OASL: variants seen among roughly 807,000 people sequenced by gnomAD.
OASL encodes the protein 2'-5'-oligoadenylate synthase-like protein.
OASL carries 28 observed loss-of-function variants against 35.3 expected under a neutral mutation model. That is an observed-to-expected ratio of 0.79 (90% CI 0.59 to 1.09). The LOEUF is 1.09. Ranked by LOEUF, OASL falls within the 50% of genes least tolerant of loss-of-function variation. The pLI, the probability that OASL is intolerant of heterozygous loss-of-function variation, is 0.00. For synonymous variants in OASL, 252 were observed against 254.6 expected (o/e 0.99, Z 0.10); for missense variants, 620 against 635.2 (o/e 0.98, Z 0.26).
At chr12:121,033,534 G>T in exon 2 of OASL, 1 of 1,613,866 alleles carries the variant, frequency 6.2e-7, no homozygotes, top group African/African-American at 1.3e-5. Flanking sequence ...TGGTGAAGAC[G>T]AGAGCATCGG....
intron 3 of OASL, 145 bp from the exon 4 acceptor site, chr12:121,027,962 T>C (rs943004138): frequency 1.5e-6 from 1 of 661,800 alleles, no homozygotes; most frequent in African/African-American, 1.8e-5. Context: ...TCACATTCCA[T>C]CTCTAGACAT....
chr12:121,024,689 C>T (rs1283271472), intron 4 of OASL, among the ~76,000 whole-genome samples: 4 of 152,018 alleles, frequency 2.6e-5, no homozygotes, highest in Non-Finnish European at 4.4e-5. Flanking sequence ...AGAATGAGGC[C>T]CCAAGAGGCA....
At chr12:121,022,224 C>T (rs953054057) in intron 5 of OASL, among the ~76,000 whole-genome samples, 5 of 151,622 alleles carry the variant, frequency 3.3e-5, no homozygotes, top group African/African-American at 9.7e-5. Flanking sequence ...GTAGCTGGGA[C>T]TACAGGCACA....
At chr12:121,030,483 C>T (rs1412550406) in intron 3 of OASL, among the ~76,000 whole-genome samples, 1 of 152,220 alleles carries the variant, frequency 6.6e-6, no homozygotes, top group African/African-American at 2.4e-5. Context: ...GGATTACAGG[C>T]GTGAGCCATC....
intron 2 of OASL, among the ~76,000 whole-genome samples, chr12:121,032,364 A>T (rs1199959141): frequency 6.6e-6 from 1 of 152,192 alleles, no homozygotes; most frequent in Non-Finnish European, 1.5e-5. Context: ...AGGAGTTAGC[A>T]CATGAGATGA....
In OASL at chr12:121,031,620, G is replaced by A. The variant is rs200062237; in HGVS notation, c.482-3C>T. 6.2e-7 allele frequency: 1 copy of A among 1,610,062 alleles called. No individual in the cohort carries two copies. The highest frequency in any genetic ancestry group is 8.5e-7 in the Non-Finnish European group (1 of 1,176,842). On this transcript the variant is annotated splice_region_variant and splice_polypyrimidine_tract_variant and intron_variant, in intron 2 of 5. Coordinates refer to ENST00000257570, the Ensembl canonical transcript of OASL. The stretch of plus-strand genomic sequence containing the variant: ...CTGGGAGTTGGGAAGAGAAGGCCCT[G>A]AGGAGTGAAGGAGCAAAGGAAGAGA...
intron 1 of OASL, among the ~76,000 whole-genome samples, chr12:121,037,977 A>G (rs1229184076): frequency 6.6e-6 from 1 of 151,412 alleles, no homozygotes; most frequent in African/African-American, 2.4e-5. Flanking sequence ...CTGTAATCCC[A>G]AGCTATTTAG....
intron 1 of OASL, among the ~76,000 whole-genome samples, chr12:121,035,677 C>T (rs1290474406): frequency 6.6e-6 from 1 of 152,132 alleles, no homozygotes; most frequent in Non-Finnish European, 1.5e-5. Context: ...GAGAAAGAGC[C>T]AGAACTCAAG....
At chr12:121,025,531 G>A (rs1426309280) in intron 4 of OASL, among the ~76,000 whole-genome samples, 2 of 151,892 alleles carry the variant, frequency 1.3e-5, no homozygotes, top group African/African-American at 4.8e-5. Context: ...TTGTGGGGCC[G>A]AGGTGGGCAG....
chr12:121,039,023 C>T, exon 1 of OASL: 3 of 1,507,152 alleles, frequency 2.0e-6, no homozygotes, highest in Middle Eastern at 1.7e-4. Flanking sequence ...GGCTCCTACC[C>T]AGCTCCCTGG....
intron 1 of OASL, among the ~76,000 whole-genome samples, chr12:121,034,839 C>G (rs1340633325): frequency 6.6e-6 from 1 of 152,166 alleles, no homozygotes; most frequent in East Asian, 1.9e-4. Flanking sequence ...ATTTCTCTTT[C>G]TTCTCATTAT....
rs1206064496 is a variant in OASL at position 121,024,126 on chromosome 12, A to T, written c.911T>A (p.Leu304Gln). The T allele has an allele frequency of 3.1e-6, 5 of 1,614,098 alleles. No individual in the cohort carries two copies. The highest frequency in any genetic ancestry group is 4.2e-6 in the Non-Finnish European group (5 of 1,179,988). ...GTTGAGGGTGGGGTCGGCCGGATCC[A>T]GGATGATGGGCCTGTAACACAGGAA... The change falls in exon 5 of 6, where the codon CTG becomes CAG. Residue 304 changes from leucine to glutamine, a missense_variant. Coordinates refer to ENST00000257570, the Ensembl canonical transcript of OASL.
At chr12:121,024,661 T>G (rs1869407408) in intron 4 of OASL, among the ~76,000 whole-genome samples, 1 of 151,960 alleles carries the variant, frequency 6.6e-6, no homozygotes, top group African/African-American at 2.4e-5. Flanking sequence ...CTTAAGTGTT[T>G]GCAAGGAATT....
intron 3 of OASL, among the ~76,000 whole-genome samples, chr12:121,030,457 G>A (rs1410101497): frequency 6.6e-6 from 1 of 152,100 alleles, no homozygotes; most frequent in Non-Finnish European, 1.5e-5. Context: ...GCCCACCTCG[G>A]CCTCCCAAAA....
At chr12:121,031,456 G>A (rs138052394) in exon 3 of OASL, 257 of 1,613,544 alleles carry the variant, frequency 1.6e-4, no homozygotes, top group African/African-American at 1.4e-3. Context: ...TGGTACCAGT[G>A]TTTCACCAGG....
At chr12:121,038,946 C>G (rs566075133) in exon 1 of OASL, 1 of 1,614,164 alleles carries the variant, frequency 6.2e-7, no homozygotes, top group East Asian at 2.2e-5. Context: ...GGCTGGTGTG[C>G]TATACAGTTC....
At chr12:121,038,930 C>G (rs776432126) in exon 1 of OASL, 2 of 1,614,216 alleles carry the variant, frequency 1.2e-6, no homozygotes, top group South Asian at 1.1e-5. Context: ...AGGAGTCCAG[C>G]CTGGAGGCTG....
At chr12:121,033,518 T>C in exon 2 of OASL, 1 of 1,614,112 alleles carries the variant, frequency 6.2e-7, no homozygotes, top group Non-Finnish European at 8.5e-7. Flanking sequence ...GTCCCCCTGG[T>C]CTGGATGGTG....
At chr12:121,034,827 A>G (rs180674728) in intron 1 of OASL, among the ~76,000 whole-genome samples, 239 of 152,314 alleles carry the variant, frequency 1.6e-3, no homozygotes, top group Non-Finnish European at 2.8e-3. Flanking sequence ...AGTCAGCAAT[A>G]CATTTCTCTT....
Sources: allele counts gnomAD v4.1 joint callset (sites outside exome capture counted in the v4.1 genomes callset), GRCh38; gene constraint gnomAD v4.1.1; transcripts MANE v1.5; gene names NCBI Gene and HGNC (gene_info 2026-07-23, HGNC 2026-07-21).